MEGF11: variants seen among roughly 807,000 people sequenced by gnomAD.
The protein encoded by MEGF11 is multiple epidermal growth factor-like domains protein 11.
MEGF11 carries 126 observed loss-of-function variants against 146.6 expected under a neutral mutation model. The observed-to-expected ratio is 0.86, with a 90% confidence interval of 0.74 to 1.00. The LOEUF (loss-of-function observed/expected upper bound fraction) is 1.00, where lower values mean the gene tolerates loss of function less well. Among genes scored for constraint, MEGF11 ranks in the 50% least tolerant of loss-of-function variants. The pLI is 0.00. For missense variants in MEGF11, 1,509 were observed against 1,521.2 expected, an observed-to-expected ratio of 0.99 and a Z score of 0.13; for synonymous variants, 532 against 583.4, an observed-to-expected ratio of 0.91 and a Z score of 1.27.
chr15:65,961,626 G>A (rs2141529357), intron 9 of MEGF11, among the ~76,000 whole-genome samples: 1 of 152,352 alleles, frequency 6.6e-6, no homozygotes, highest in South Asian at 2.1e-4. Flanking sequence ...AAGAGTTGGA[G>A]AATCTCACCA....
chr15:66,046,080 G>A (rs2084193480), intron 5 of MEGF11, among the ~76,000 whole-genome samples: 1 of 152,296 alleles, frequency 6.6e-6, no homozygotes, highest in Non-Finnish European at 1.5e-5. Flanking sequence ...TCCAGCCTGG[G>A]CAACAGAGTG....
rs114932575 is a variant in MEGF11, at chr15:66,171,191, G to A, written c.-8-42780C>T. ...GAGTCACGGTGACCACAGCACCAAT[G>A]CAGGATGCCATGTCCTGCCAGGGGA... On this transcript the variant is annotated intron_variant, in intron 1 of 25. Coordinates refer to ENST00000395614, the MANE Select transcript of MEGF11 (RefSeq NM_001385028.1). Among the ~76,000 whole-genome samples the A allele has an allele frequency of 3.5e-3, 538 of 152,340 alleles. 4 individuals are homozygous for A. Among genetic ancestry groups the A allele is most frequent in the African/African-American group, 0.013 (522 of 41,570 alleles).
At chr15:66,124,363 T>C (rs1483663293) in intron 2 of MEGF11, among the ~76,000 whole-genome samples, 1 of 152,258 alleles carries the variant, frequency 6.6e-6, no homozygotes. Context: ...CATATCTTTA[T>C]GGTTTTCAAA....
intron 1 of MEGF11, among the ~76,000 whole-genome samples, chr15:66,235,824 A>G (rs576046744): frequency 6.6e-6 from 1 of 152,292 alleles, no homozygotes; most frequent in East Asian, 1.9e-4. Context: ...AAGGAGAGCC[A>G]CAGGCAAGCA....
chr15:65,985,777 A>G (rs554343434), intron 5 of MEGF11, among the ~76,000 whole-genome samples: 35 of 152,216 alleles, frequency 2.3e-4, no homozygotes, highest in African/African-American at 7.9e-4. Context: ...TAGTAGGGGC[A>G]GAAATGCTGG....
chr15:65,945,734 GC>G (rs901116387), intron 10 of MEGF11, among the ~76,000 whole-genome samples: 3 of 152,164 alleles, frequency 2.0e-5, no homozygotes, highest in Non-Finnish European at 4.4e-5. Flanking sequence ...CCTGACAGGT[GC>G]CTGATTCCCC....
At chr15:65,979,186 C>T (rs552446003) in intron 7 of MEGF11, among the ~76,000 whole-genome samples, 1 of 152,190 alleles carries the variant, frequency 6.6e-6, no homozygotes, top group African/African-American at 2.4e-5. Flanking sequence ...GACTGGCTGC[C>T]TCAGAACCAT....
intron 5 of MEGF11, among the ~76,000 whole-genome samples, chr15:66,039,399 C>T (rs376943180): frequency 2.0e-5 from 3 of 152,186 alleles, no homozygotes; most frequent in East Asian, 1.9e-4. Context: ...CTGGGGACCA[C>T]GTCTCCTGCC....
intron 5 of MEGF11, among the ~76,000 whole-genome samples, chr15:66,011,901 A>C (rs914250288): frequency 6.6e-6 from 1 of 152,108 alleles, no homozygotes; most frequent in Non-Finnish European, 1.5e-5. Flanking sequence ...ATAGCACATA[A>C]ATTATGTATG....
At chr15:66,099,734 G>A (rs1042497733) in intron 4 of MEGF11, among the ~76,000 whole-genome samples, 1 of 152,222 alleles carries the variant, frequency 6.6e-6, no homozygotes, top group Non-Finnish European at 1.5e-5. Flanking sequence ...TGTTGCTGTT[G>A]TTATTAATAT....
Position 65,896,056 on chromosome 15 carries a change from A to G in MEGF11, c.*1878T>C, listed in dbSNP as rs1407464091. On this transcript the variant is annotated 3_prime_UTR_variant, in exon 26 of 26. Transcript: ENST00000395614. ...GTTGAAGTTTCTCCTTGCTGATCTG[A>G]CATCTTCATGCTGCTCATCCTTGCT... The G allele has an allele frequency of 2.0e-5, 3 of 152,290 alleles. No homozygotes were observed. Among genetic ancestry groups the G allele is most frequent in the African/African-American group, 7.2e-5 (3 of 41,454 alleles). The allele number at this position is 152,290 out of a possible 1,614,324, so 9.4% of individuals were successfully genotyped here.
intron 5 of MEGF11, among the ~76,000 whole-genome samples, chr15:65,988,003 C>CTGCCCT (rs2081923253): frequency 7.5e-6 from 1 of 133,118 alleles, no homozygotes; most frequent in African/African-American, 2.8e-5. Flanking sequence ...GCCACAGTAC[C>CTGCCCT]CGGTCTTTTT....
chr15:66,195,550 GAGA>G (rs1290867279), intron 1 of MEGF11, among the ~76,000 whole-genome samples: 3 of 152,212 alleles, frequency 2.0e-5, no homozygotes, highest in African/African-American at 4.8e-5. Context: ...GAGAGGAACC[GAGA>G]AGAAGGGAGA....
At chr15:66,164,509 C>T (rs776604439) in intron 1 of MEGF11, among the ~76,000 whole-genome samples, 21 of 152,184 alleles carry the variant, frequency 1.4e-4, no homozygotes, top group Admixed American at 2.6e-4. Flanking sequence ...TGCATTACTT[C>T]TCTGAGCTTT....
intron 5 of MEGF11, among the ~76,000 whole-genome samples, chr15:66,083,369 CTT>C (rs1330810874): frequency 3.9e-5 from 6 of 152,150 alleles, no homozygotes; most frequent in African/African-American, 1.4e-4. Context: ...AAACTTTAAA[CTT>C]TGTAGCTTCG....
intron 7 of MEGF11, among the ~76,000 whole-genome samples, chr15:65,971,919 A>T (rs910863613): frequency 3.3e-5 from 5 of 152,246 alleles, no homozygotes; most frequent in Non-Finnish European, 5.9e-5. Flanking sequence ...AGCCTCTGTC[A>T]TAATTAAAAT....
intron 1 of MEGF11, among the ~76,000 whole-genome samples, chr15:66,179,598 C>G (rs1387467991): frequency 6.6e-6 from 1 of 152,152 alleles, no homozygotes; most frequent in Non-Finnish European, 1.5e-5. Context: ...CCAAGAGGAA[C>G]AGCATGCGAG....
chr15:66,077,755 C>A (rs983663599), intron 5 of MEGF11, among the ~76,000 whole-genome samples: 16 of 152,208 alleles, frequency 1.1e-4, no homozygotes, highest in African/African-American at 3.9e-4. Flanking sequence ...GACCGCCTGG[C>A]CATGTACAGA....
intron 5 of MEGF11, among the ~76,000 whole-genome samples, chr15:66,000,026 C>A (rs1567196579): frequency 6.6e-6 from 1 of 152,178 alleles, no homozygotes; most frequent in Non-Finnish European, 1.5e-5. Flanking sequence ...CCCACCGGAC[C>A]TCTGGGAGAC....
Sources: allele counts gnomAD v4.1 joint callset (sites outside exome capture counted in the v4.1 genomes callset), GRCh38; gene constraint gnomAD v4.1.1; transcripts MANE v1.5; gene names NCBI Gene and HGNC (gene_info 2026-07-23, HGNC 2026-07-21).